LMBRD2: variants seen among roughly 807,000 people sequenced by gnomAD.
LMBRD2 encodes the protein LMBR1 domain containing 2.
LMBRD2 carries 55 observed loss-of-function variants against 94.4 expected under a neutral mutation model. That is an observed-to-expected ratio of 0.58 (90% CI 0.47 to 0.73). The LOEUF is 0.73. Ranked by LOEUF, LMBRD2 falls within the 30% of genes least tolerant of loss-of-function variation. The pLI, the probability that LMBRD2 is intolerant of heterozygous loss-of-function variation, is 0.00. For synonymous variants in LMBRD2, 246 were observed against 272.4 expected (o/e 0.90, Z 0.95); for missense variants, 640 against 831.9 (o/e 0.77, Z 2.84).
intron 11 of LMBRD2, among the ~76,000 whole-genome samples, chr5:36,115,463 C>G (rs1329121131): frequency 6.6e-6 from 1 of 152,156 alleles, no homozygotes; most frequent in Admixed American, 6.6e-5. Flanking sequence ...ACAGTAACAT[C>G]CTCAAGGTGA....
intron 1 of LMBRD2, among the ~76,000 whole-genome samples, chr5:36,150,555 A>T (rs1309034971): frequency 6.6e-6 from 1 of 152,228 alleles, no homozygotes; most frequent in Admixed American, 6.5e-5. Context: ...CTTCAGGGAA[A>T]GGACGTAGCT....
At chr5:36,112,591 C>A (rs1394292240) in intron 13 of LMBRD2, among the ~76,000 whole-genome samples, 1 of 151,868 alleles carries the variant, frequency 6.6e-6, no homozygotes, top group East Asian at 1.9e-4. Flanking sequence ...GGAATACAAC[C>A]TTTTTTTTCC....
At chr5:36,137,883 C>T (rs1325723589) in intron 4 of LMBRD2, among the ~76,000 whole-genome samples, 1 of 152,180 alleles carries the variant, frequency 6.6e-6, no homozygotes, top group Non-Finnish European at 1.5e-5. Context: ...ACAAACCCAG[C>T]TTCAGGGTTC....
At chr5:36,137,921 C>T (rs1174814167) in intron 4 of LMBRD2, among the ~76,000 whole-genome samples, 1 of 152,132 alleles carries the variant, frequency 6.6e-6, no homozygotes, top group East Asian at 1.9e-4. Context: ...ATATGGATAG[C>T]TTCCGAAGTC....
In LMBRD2 at chr5:36,143,254, TC is replaced by T; in HGVS notation, c.95del (p.Arg32AsnfsTer3). ...CAAGCAGTGTTCCAATAATCACAAG[TC>T]TATGCTGTTTCTTAAAGTCTCCATA... ...HRYGDFKKQH[R>X]LVIIGTLLAW... On this transcript the variant is annotated frameshift_variant, in exon 2 of 18. Transcript: ENST00000296603. LOFTEE classifies it high-confidence loss of function. 6.2e-7 allele frequency: 1 copy of T among 1,612,726 alleles called. No homozygotes were observed. Among genetic ancestry groups the T allele is most frequent in the Non-Finnish European group, 8.5e-7 (1 of 1,178,856 alleles).
At chr5:36,138,223 A>C (rs538685130) in intron 4 of LMBRD2, among the ~76,000 whole-genome samples, 1 of 152,338 alleles carries the variant, frequency 6.6e-6, no homozygotes, top group Non-Finnish European at 1.5e-5. Flanking sequence ...TGTATGTATA[A>C]GTGGAGGAGA....
chr5:36,124,146 A>G, intron 7 of LMBRD2, 45 bp downstream of exon 7: 5 of 1,093,758 alleles, frequency 4.6e-6, no homozygotes, highest in Non-Finnish European at 6.8e-6. Flanking sequence ...ATAATATTAT[A>G]TAAGTGTATA....
chr5:36,116,590 C>T lies in LMBRD2; in HGVS notation c.1306G>A (p.Ala436Thr). The T allele has an allele frequency of 6.2e-7, 1 of 1,609,122 alleles. No individual in the cohort carries two copies. Among genetic ancestry groups the T allele is most frequent in the South Asian group, 1.1e-5 (1 of 89,584 alleles). The change falls in exon 11 of 18, where the codon GCC (alanine) becomes ACC (threonine). Residue 436 changes from alanine (A) to threonine (T), a missense_variant. Physicochemically the swap from Ala to Thr is moderately conservative, Grantham distance 58 (BLOSUM62 0). This residue lies in a region of LMBRD2 where 457 missense variants were observed against 642.8 expected (regional missense o/e 0.71). Coordinates refer to ENST00000296603, the MANE Select transcript of LMBRD2 (RefSeq NM_001007527.2). ...AGGAAGAAGATGGAAAGGAAGCAGG[C>T]AATCTGGAAAAAAACAAAAACAAAG... ...KTYNYIYIEI[A>T]CFLSIFFLSI...
At chr5:36,137,566 A>G in intron 4 of LMBRD2, 125 bp from the exon 5 acceptor site, 1 of 547,352 alleles carries the variant, frequency 1.8e-6, no homozygotes, top group Non-Finnish European at 3.1e-6. Context: ...AAATGTTTAT[A>G]AGTAATCATG....
intron 6 of LMBRD2, among the ~76,000 whole-genome samples, chr5:36,125,520 T>A (rs1743988479): frequency 6.6e-6 from 1 of 152,058 alleles, no homozygotes; most frequent in Non-Finnish European, 1.5e-5. Context: ...TAAAAAGATA[T>A]CTGAGCTCGC....
At chr5:36,110,576 C>T (rs1743580216) in intron 14 of LMBRD2, among the ~76,000 whole-genome samples, 2 of 151,972 alleles carry the variant, frequency 1.3e-5, no homozygotes, top group African/African-American at 4.8e-5. Flanking sequence ...ACATTCAACT[C>T]ATAATTACAC....
chr5:36,114,362 C>G (rs1191403337), intron 13 of LMBRD2, 62 bp downstream of exon 13: 4 of 1,500,210 alleles, frequency 2.7e-6, no homozygotes, highest in Non-Finnish European at 3.5e-6. Flanking sequence ...TTTAAAAGAG[C>G]TTTAAAGAGA....
intron 16 of LMBRD2, among the ~76,000 whole-genome samples, chr5:36,106,706 C>T (rs1743481035): frequency 1.3e-5 from 2 of 151,842 alleles, no homozygotes; most frequent in Non-Finnish European, 2.9e-5. Flanking sequence ...GATGGCGTTT[C>T]ACCATGTTGG....
In LMBRD2 at chr5:36,143,404, T is replaced by C; in HGVS notation, c.-55A>G. On this transcript the variant is annotated splice_region_variant and 5_prime_UTR_variant, in exon 2 of 18. In the 5' UTR this introduces an upstream ATG that the reference lacks. Coordinates refer to ENST00000296603, the MANE Select transcript of LMBRD2 (RefSeq NM_001007527.2). ...GTTATTCATGTACAGGTCTGGACCA[T>C]ATCTATAAAGTAAAAAGAAGGTTAA... 7.4e-7 allele frequency: 1 copy of C among 1,350,824 alleles called. No individual in the cohort carries two copies. Among genetic ancestry groups the C allele is most frequent in the Non-Finnish European group, 1.0e-6 (1 of 988,224 alleles). The allele number at this position is 1,350,824 out of a possible 1,614,324, so 83.7% of individuals were successfully genotyped here.
chr5:36,117,133 C>A (rs889438632), intron 10 of LMBRD2, among the ~76,000 whole-genome samples: 20 of 151,984 alleles, frequency 1.3e-4, no homozygotes, highest in African/African-American at 4.8e-4. Context: ...TAATGTGAGC[C>A]TGTTTTCCCA....
At chr5:36,129,581 A>G (rs1339966848) in intron 6 of LMBRD2, among the ~76,000 whole-genome samples, 1 of 152,226 alleles carries the variant, frequency 6.6e-6, no homozygotes, top group Non-Finnish European at 1.5e-5. Flanking sequence ...GATTTCGTCC[A>G]TACCAGTCCT....
In LMBRD2 at chr5:36,122,401, T is replaced by A. The variant is rs1371406132; in HGVS notation, c.999A>T (p.Gln333His). The change falls in exon 9 of 18, where the codon CAA becomes CAT. Residue 333 changes from glutamine to histidine, a missense_variant. Gln to His is a conservative substitution (Grantham distance 24, BLOSUM62 0). Around this residue, in one of 2 missense-constraint regions of LMBRD2, gnomAD observed 457 missense variants for 642.8 expected, o/e 0.71. Transcript: ENST00000296603. ...TQVQWQILLE[Q>H]AFYLEDVAKN... ...TTGCTACATCTTCTAGATAAAATGC[T>A]TGTTCCAAAAGAATCTGCCATTGTA... The A allele has an allele frequency of 6.2e-7, 1 of 1,613,652 alleles. No homozygotes were observed. Among genetic ancestry groups the A allele is most frequent in the Admixed American group, 1.7e-5 (1 of 59,902 alleles).
intron 9 of LMBRD2, among the ~76,000 whole-genome samples, chr5:36,118,139 A>C (rs1452646603): frequency 6.6e-6 from 1 of 152,202 alleles, no homozygotes; most frequent in Non-Finnish European, 1.5e-5. Context: ...GGAATGTGAC[A>C]TTGCTGCTGT....
rs1244601553 is a variant in LMBRD2 at position 36,122,977 on chromosome 5, A to G, written c.823-16T>C. 3 of 1,432,008 alleles carry G rather than the reference A, an allele frequency of 2.1e-6. No individual in the cohort carries two copies. The highest frequency in any genetic ancestry group is 5.5e-5 in the East Asian group (2 of 36,612). 88.7% of individuals were successfully genotyped at this position (1,432,008 alleles called of 1,614,324 possible). A position where few individuals can be genotyped will look rare whatever the true frequency, so the allele number is the denominator to read the frequency against. On this transcript the variant is annotated splice_polypyrimidine_tract_variant and intron_variant, in intron 7 of 17. Coordinates refer to ENST00000296603, the MANE Select transcript of LMBRD2 (RefSeq NM_001007527.2). ...CTGTAGGGCACTAAAAAAAAAAAAA[A>G]GTAGATTTTTAAAAATCTTAATTGT...
Sources: gnomAD v4.1 joint callset for allele counts (sites outside exome capture counted in the v4.1 genomes callset) on GRCh38, gnomAD v4.1.1 for gene constraint, gnomAD v4.1.1 regional missense constraint, MANE v1.5 for transcripts, NCBI Gene and HGNC (gene_info 2026-07-23, HGNC 2026-07-21) for gene names.